The following CNR1 variants were observed in gnomAD, a reference collection of about 807,000 sequenced individuals.
CNR1 encodes the protein cannabinoid receptor 1 (brain).
A neutral mutation model predicts 23.0 loss-of-function variants in CNR1; 10 were observed. The ratio of observed to expected loss-of-function variants is 0.43; its 90% CI spans 0.27 to 0.74. The LOEUF (loss-of-function observed/expected upper bound fraction) is 0.74. Among genes scored for constraint, CNR1 ranks in the 30% least tolerant of loss-of-function variants. The pLI, the probability that CNR1 is intolerant of heterozygous loss-of-function variation, is 0.19. For synonymous variants in CNR1, 271 were observed against 255.2 expected, an observed-to-expected ratio of 1.06 and a Z score of -0.59; for missense variants, 422 against 618.8, an observed-to-expected ratio of 0.68 and a Z score of 3.37.
At chr6:88,159,602 A>G (rs925001831) in intron 1 of CNR1, among the ~76,000 whole-genome samples, 1 of 152,184 alleles carries the variant, frequency 6.6e-6, no homozygotes, top group Non-Finnish European at 1.5e-5. Context: ...TGTTTATAAG[A>G]CATTAGATCT....
In CNR1 at chr6:88,145,043, T is replaced by A. The variant is rs201771485; in HGVS notation, c.232A>T (p.Ile78Phe). ...AGAGACTTGTTGTAAAATTCTGTAA[T>A]GTTCACCTGGTCTGCTGGGACTAGC... is the stretch of plus-strand genomic sequence containing the variant. ...PQLVPADQVN[I>F]TEFYNKSLSS... The change falls in exon 2 of 2, where the codon ATT becomes TTT. Residue 78 changes from isoleucine to phenylalanine, a missense_variant. Coordinates refer to ENST00000369501, the MANE Select transcript of CNR1 (RefSeq NM_016083.6). 1.2e-6 allele frequency: 2 copies of A among 1,614,192 alleles called. No homozygotes were observed. Among genetic ancestry groups the A allele is most frequent in the Non-Finnish European group, 1.7e-6 (2 of 1,180,038 alleles).
In CNR1 at chr6:88,143,574, C is replaced by G; in HGVS notation, c.*282G>C. On this transcript the variant is annotated 3_prime_UTR_variant, in exon 2 of 2. Transcript: ENST00000369501. ...ATTTTTCCATGGGTTCTTAGACTTC[C>G]AATTGTGTAGCCAAAGGTTTCCCTC... 1 of 321,474 alleles carries G rather than the reference C, an allele frequency of 3.1e-6. No individual in the cohort carries two copies. Among genetic ancestry groups the G allele is most frequent in the Non-Finnish European group, 5.7e-6 (1 of 175,430 alleles). The allele number at this position is 321,474 out of a possible 1,614,324, so 19.9% of individuals were successfully genotyped here. A position where few individuals can be genotyped will look rare whatever the true frequency, so the allele number is the denominator to read the frequency against.
chr6:88,145,683 G>A (rs1025944585), intron 1 of CNR1, among the ~76,000 whole-genome samples: 2 of 152,190 alleles, frequency 1.3e-5, no homozygotes, highest in African/African-American at 2.4e-5. Flanking sequence ...TCATAGTCAC[G>A]TTAGGAAGTG....
chr6:88,147,548 A>C (rs1777271402), intron 1 of CNR1: 1 of 152,210 alleles, frequency 6.6e-6, no homozygotes, highest in Non-Finnish European at 1.5e-5. Flanking sequence ...ATTTTATTTA[A>C]TACCCTAGTG....
chr6:88,156,939 T>G (rs1777833646), intron 1 of CNR1, among the ~76,000 whole-genome samples: 1 of 152,224 alleles, frequency 6.6e-6, no homozygotes. Flanking sequence ...CATCAATTAT[T>G]TACCCCAGGA....
upstream of CNR1, among the ~76,000 whole-genome samples, chr6:88,166,703 C>T (rs189378870): frequency 2.0e-3 from 303 of 152,310 alleles, no homozygotes; most frequent in African/African-American, 7.0e-3. Context: ...GCGCCGCCCA[C>T]GACCTCGGGG....
At chr6:88,159,982 CTTTT>C (rs891135460) in intron 1 of CNR1, among the ~76,000 whole-genome samples, 1 of 147,308 alleles carries the variant, frequency 6.8e-6, no homozygotes, top group East Asian at 2.0e-4. Flanking sequence ...CCTAAATGAT[CTTTT>C]TTTTTTTAAA....
At chr6:88,148,167 C>T (rs1320892708) in intron 1 of CNR1, among the ~76,000 whole-genome samples, 1 of 152,168 alleles carries the variant, frequency 6.6e-6, no homozygotes. Flanking sequence ...CTCCCATTGC[C>T]CCTTACACTC....
At chr6:88,157,705 CAATATT>C (rs1379046919) in intron 1 of CNR1, among the ~76,000 whole-genome samples, 1 of 152,124 alleles carries the variant, frequency 6.6e-6, no homozygotes, top group African/African-American at 2.4e-5. Context: ...AACCCACAAT[CAATATT>C]AATAACCAAC....
chr6:88,144,145 G>A lies in CNR1; in HGVS notation c.1130C>T (p.Thr377Met), dbSNP rs764560714. 5.6e-6 allele frequency: 9 copies of A among 1,613,824 alleles called. No individual in the cohort carries two copies. The highest frequency in any genetic ancestry group is 1.7e-5 in the Admixed American group (1 of 59,998). The change falls in exon 2 of 2, where the codon ACG becomes ATG. Residue 377 changes from threonine (T) to methionine (M), a missense_variant. Around this residue, in one of 4 missense-constraint regions of CNR1, gnomAD observed 12 missense variants for 45.9 expected, o/e 0.26. Transcript: ENST00000369501. This position sits in a 1 kb window ranked among gnomAD's most constrained non-coding sequence, Gnocchi z 7.8. The part of the protein sequence containing the change: ...VFGKMNKLIK[T>M]VFAFCSMLCL... Reference sequence around the variant, plus strand: ...GAGCATACTGCAGAATGCAAACACCGTCTTAATGAGCTTGTTCATCTTCCC... The same window carrying A: ...GAGCATACTGCAGAATGCAAACACCATCTTAATGAGCTTGTTCATCTTCCC...
At chr6:88,163,881 A>T (rs1355180488) in intron 1 of CNR1, among the ~76,000 whole-genome samples, 2 of 152,246 alleles carry the variant, frequency 1.3e-5, no homozygotes, top group East Asian at 3.8e-4. Flanking sequence ...CACAGGCAAG[A>T]CAGAGAGGAA....
At position 88,143,890 on chromosome 6, in the gene CNR1, G is replaced by A. The variant is rs773947953; in HGVS notation, c.1385C>T (p.Ser462Phe). Residue 462 changes from serine to phenylalanine, a missense_variant, in exon 2 of 2, where the codon TCT becomes TTT. Physicochemically the swap from Ser to Phe is radical, Grantham distance 155. Transcript: ENST00000369501. ...STVKIAKVTMSVSTDTSAEAL is the reference protein window; with the variant it reads ...STVKIAKVTMFVSTDTSAEAL ...CTCGGCAGACGTGTCTGTGGACACA[G>A]ACATGGTTACCTTGGCAATCTTGAC... The A allele has an allele frequency of 6.2e-7, 1 of 1,614,084 alleles. No individual in the cohort carries two copies. The highest frequency in any genetic ancestry group is 2.2e-5 in the East Asian group (1 of 44,856).
intron 1 of CNR1, among the ~76,000 whole-genome samples, chr6:88,165,353 T>C (rs1452796147): frequency 6.6e-6 from 1 of 152,242 alleles, no homozygotes; most frequent in Non-Finnish European, 1.5e-5. Context: ...GAGAAGTGGT[T>C]CCTGTAGCTT....
In CNR1 at chr6:88,144,760, T is replaced by C. The variant is rs1777058123; in HGVS notation, c.515A>G (p.Tyr172Cys). 3 of 1,614,004 alleles carry C rather than the reference T, an allele frequency of 1.9e-6. No homozygotes were observed. Among genetic ancestry groups the C allele is most frequent in the African/African-American group, 2.7e-5 (2 of 74,914 alleles). ...GAACACGTGGAAGTCAATGAAGCTG[T>C]AGACAAAAATGACACTCCCCAGGAG... ...ADLLGSVIFV[Y>C]SFIDFHVFHR... The change falls in exon 2 of 2, where the codon TAC (tyrosine) becomes TGC (cysteine). Residue 172 changes from tyrosine to cysteine, a missense_variant. Coordinates refer to ENST00000369501, the MANE Select transcript of CNR1 (RefSeq NM_016083.6). The surrounding 1 kb of genome is among the most constrained non-coding windows in gnomAD (Gnocchi z 7.8).
In CNR1 at chr6:88,140,522, A is replaced by G. The variant is rs1196202146; in HGVS notation, c.*3334T>C. On this transcript the variant is annotated 3_prime_UTR_variant, in exon 2 of 2. Transcript: ENST00000369501. ...ATTGTTAACATTTCATCAGAAGGCC[A>G]GTGCAAGACAATTAATTGTTAATAG... 6.5e-6 allele frequency: 1 copy of G among 152,848 alleles called. No homozygotes were observed. The highest frequency in any genetic ancestry group is 2.4e-5 in the African/African-American group (1 of 41,478). 9.5% of individuals were successfully genotyped at this position (152,848 alleles called of 1,614,324 possible).
At position 88,142,673 on chromosome 6, in the gene CNR1, C is replaced by T. The variant is rs928875075; in HGVS notation, c.*1183G>A. The T allele has an allele frequency of 1.4e-4, 21 of 152,600 alleles. No individual in the cohort carries two copies. Among genetic ancestry groups the T allele is most frequent in the African/African-American group, 4.6e-4 (19 of 41,432 alleles). 9.5% of individuals were successfully genotyped at this position (152,600 alleles called of 1,614,324 possible). A position where few individuals can be genotyped will look rare whatever the true frequency, so the allele number is the denominator to read the frequency against. On this transcript the variant is annotated 3_prime_UTR_variant, in exon 2 of 2. Transcript: ENST00000369501. ...CAATTTTAGAAACTGAATCCATGTGCAAGAGTGCAGCAAGTGGTAAAAGTT... is the reference window on the plus strand; with the variant it reads ...CAATTTTAGAAACTGAATCCATGTGTAAGAGTGCAGCAAGTGGTAAAAGTT...
rs181825873 is a variant in CNR1 at position 88,142,497 on chromosome 6, T to C, written c.*1359A>G. 1.3e-5 allele frequency: 2 copies of C among 152,504 alleles called. No individual in the cohort carries two copies. The highest frequency in any genetic ancestry group is 2.1e-4 in the South Asian group (1 of 4,828). 9.4% of individuals were successfully genotyped at this position (152,504 alleles called of 1,614,324 possible). A position where few individuals can be genotyped will look rare whatever the true frequency, so the allele number is the denominator to read the frequency against. On this transcript the variant is annotated 3_prime_UTR_variant, in exon 2 of 2. Coordinates refer to ENST00000369501, the MANE Select transcript of CNR1 (RefSeq NM_016083.6). ...ACTACAAATACATCCCTTCCTTGGA[T>C]GCCTGTCATTATTTTTTGCTAAGCA...
Position 88,145,164 on chromosome 6 carries a change from C to T in CNR1, c.111G>A (p.Met37Ile), listed in dbSNP as rs138753523. The stretch of plus-strand genomic sequence containing the variant: ...GTGGGAAGTACCCTAATTTGGATGC[C>T]ATGTCACCTTTGATGTCTTCGTACT... ...DIQYEDIKGD[M>I]ASKLGYFPQK... The change falls in exon 2 of 2, where the codon ATG (methionine) becomes ATA (isoleucine). Residue 37 changes from methionine (M) to isoleucine (I), a missense_variant. Physicochemically the swap from Met to Ile is conservative, Grantham distance 10. This residue lies in a region of CNR1 where 120 missense variants were observed against 117.6 expected (regional missense o/e 1.02). Transcript: ENST00000369501. 14 of 1,614,044 alleles carry T rather than the reference C, an allele frequency of 8.7e-6. No individual in the cohort carries two copies. The highest frequency in any genetic ancestry group is 1.1e-5 in the Non-Finnish European group (13 of 1,180,024).
intron 1 of CNR1, among the ~76,000 whole-genome samples, chr6:88,163,811 T>C (rs930826297): frequency 6.6e-6 from 1 of 152,228 alleles, no homozygotes; most frequent in African/African-American, 2.4e-5. Context: ...TTTTACCATT[T>C]TGAAATGCCA....
Sources: gnomAD v4.1 joint callset for allele counts (sites outside exome capture counted in the v4.1 genomes callset) on GRCh38, gnomAD v4.1.1 for gene constraint, gnomAD v4.1.1 regional missense constraint, Gnocchi (gnomAD v3.1) non-coding constraint, MANE v1.5 for transcripts, NCBI Gene and HGNC (gene_info 2026-07-23, HGNC 2026-07-21) for gene names.